The following RASGRP4 variants were observed in gnomAD, a reference collection of about 807,000 sequenced individuals.
RASGRP4 encodes RAS guanyl releasing protein 4.
RASGRP4 carries 52 observed loss-of-function variants against 84.4 expected under a neutral mutation model. The ratio of observed to expected loss-of-function variants is 0.62; its 90% CI spans 0.49 to 0.78. The LOEUF is 0.78. Ranked by LOEUF, RASGRP4 falls within the 30% of genes least tolerant of loss-of-function variation. RASGRP4 has a pLI of 0.00. For missense variants in RASGRP4, 760 were observed against 886.9 expected, an observed-to-expected ratio of 0.86 and a Z score of 1.82; for synonymous variants, 356 against 359.1, an observed-to-expected ratio of 0.99 and a Z score of 0.10.
chr19:38,419,609 T>A (rs982813999), intron 6 of RASGRP4, among the ~76,000 whole-genome samples: 6 of 152,150 alleles, frequency 3.9e-5, no homozygotes, highest in Non-Finnish European at 8.8e-5. Flanking sequence ...AATTTTTGTA[T>A]TTTTAGTAGA....
rs757747859 is a variant in RASGRP4, at chr19:38,413,089, C to A, written c.1417-40G>T. On this transcript the variant is annotated intron_variant, in intron 11 of 16. Coordinates refer to ENST00000615439, the MANE Select transcript of RASGRP4 (RefSeq NM_170604.3). This position sits in a 1 kb window ranked among gnomAD's most constrained non-coding sequence, Gnocchi z 4.7. ...GGGGAAGCAGATAAGGCCCAGTTGT[C>A]GAAATATGATCCCCATGGCCATAAG... 1 of 1,584,988 alleles carries A rather than the reference C, an allele frequency of 6.3e-7. No individual in the cohort carries two copies.
Position 38,415,127 on chromosome 19 carries a change from G to C in RASGRP4, c.955-4C>G, listed in dbSNP as rs1470115942. Reference sequence around the variant, plus strand: ...GCTCAGTGAGCTCCAGGAGGGCCTGGGGAGGAGGGACATGGGATTGGGGCG... The same window carrying C: ...GCTCAGTGAGCTCCAGGAGGGCCTGCGGAGGAGGGACATGGGATTGGGGCG... On this transcript the variant is annotated splice_polypyrimidine_tract_variant and splice_region_variant and intron_variant, in intron 8 of 16. Coordinates refer to ENST00000615439, the MANE Select transcript of RASGRP4 (RefSeq NM_170604.3). 3 of 1,585,036 alleles carry C rather than the reference G, an allele frequency of 1.9e-6. No individual in the cohort carries two copies. Among genetic ancestry groups the C allele is most frequent in the Non-Finnish European group, 2.6e-6 (3 of 1,163,884 alleles).
At chr19:38,424,193 C>T (rs1477644670) in intron 1 of RASGRP4, among the ~76,000 whole-genome samples, 2 of 151,978 alleles carry the variant, frequency 1.3e-5, no homozygotes, top group Non-Finnish European at 2.9e-5. Context: ...GATCTCAGCT[C>T]ACTGCAACCT....
rs920352059 is a variant in RASGRP4, at chr19:38,417,999, C to T, written c.837+392G>A. On this transcript the variant is annotated intron_variant, in intron 7 of 16. Transcript: ENST00000615439. This position sits in a 1 kb window ranked among gnomAD's most constrained non-coding sequence, Gnocchi z 5.1. ...ACAATGGGGCGGGGCGGGGAGAGCC[C>T]GGACGCAATGGGGAGCGATGCACAA... Among the ~76,000 whole-genome samples, 2 of 149,936 alleles carry T rather than the reference C, an allele frequency of 1.3e-5. No homozygotes were observed. Among genetic ancestry groups the T allele is most frequent in the East Asian group, 2.0e-4 (1 of 4,996 alleles).
Position 38,415,122 on chromosome 19 carries a change from G to T in RASGRP4, c.956C>A (p.Ala319Asp). The T allele has an allele frequency of 1.1e-5, 17 of 1,587,916 alleles. No homozygotes were observed. The highest frequency in any genetic ancestry group is 1.5e-5 in the Non-Finnish European group (17 of 1,165,528). ...HAHLSPDSTK[A>D]LLELTELLAS... ...AAGGAGCTCAGTGAGCTCCAGGAGG[G>T]CCTGGGGAGGAGGGACATGGGATTG... Residue 319 changes from alanine (A) to aspartate (D), a missense_variant and splice_region_variant, in exon 9 of 17, where the codon GCC becomes GAC. Physicochemically the swap from Ala to Asp is moderately radical, Grantham distance 126. Transcript: ENST00000615439.
Position 38,413,109 on chromosome 19 carries a change from C to T in RASGRP4, c.1417-60G>A. On this transcript the variant is annotated intron_variant, in intron 11 of 16. Coordinates refer to ENST00000615439, the MANE Select transcript of RASGRP4 (RefSeq NM_170604.3). The surrounding 1 kb of genome is among the most constrained non-coding windows in gnomAD (Gnocchi z 4.7). The stretch of plus-strand genomic sequence containing the variant: ...GTTGTCGAAATATGATCCCCATGGC[C>T]ATAAGTCCCCACCTCCAGGCTCAGG... 1.9e-6 allele frequency: 3 copies of T among 1,572,324 alleles called. No individual in the cohort carries two copies. The highest frequency in any genetic ancestry group is 2.6e-6 in the Non-Finnish European group (3 of 1,142,262).
rs1299325021 is a variant in RASGRP4 at position 38,411,188 on chromosome 19, C to A, written c.1779G>T (p.Arg593Ser). 6.2e-7 allele frequency: 1 copy of A among 1,613,940 alleles called. No homozygotes were observed. Among genetic ancestry groups the A allele is most frequent in the South Asian group, 1.1e-5 (1 of 91,084 alleles). ...GTCCTGCATCGCCCTTGGCCCCTGG[C>A]CTCTTCTTACATTCTACCTTCACCT... is the stretch of plus-strand genomic sequence containing the variant. ...RDQVKVECKK[R>S]PGAKGDAGPP... is the part of the protein sequence containing the mutation. Residue 593 changes from arginine (R) to serine (S), a missense_variant, in exon 15 of 17, where the codon AGG (arginine) becomes AGT (serine). Arg to Ser is a moderately radical substitution (Grantham distance 110). Transcript: ENST00000615439.
At chr19:38,419,724 A>T in intron 6 of RASGRP4, 136 bp downstream of exon 6, 1 of 898,232 alleles carries the variant, frequency 1.1e-6, no homozygotes, top group Non-Finnish European at 1.7e-6. Context: ...TCTAGCATAC[A>T]GGTTTGAGTT....
In RASGRP4 at chr19:38,419,881, G is replaced by A. The variant is rs1405299578; in HGVS notation, c.642C>T (p.Phe214=). ...TCACCGTGATAGCCTGGAAGGACCG[G>A]AACTCCAGGTAGGTGAGGTGCTGAG... is the stretch of plus-strand genomic sequence containing the variant. The part of the protein sequence containing the change: ...ELAQHLTYLE[F]RSFQAITPQD... Residue 214 remains phenylalanine (F), a synonymous_variant, in exon 6 of 17, where the codon TTC becomes TTT. Coordinates refer to ENST00000615439, the MANE Select transcript of RASGRP4 (RefSeq NM_170604.3). The A allele has an allele frequency of 6.2e-7, 1 of 1,603,862 alleles. No homozygotes were observed. Among genetic ancestry groups the A allele is most frequent in the South Asian group, 1.1e-5 (1 of 89,474 alleles).
rs1263913408 is a variant in RASGRP4, at chr19:38,418,204, G to C, written c.837+187C>G. ...GGTGGGGCCACGGTGGGTGCGACGCGGTGACATCAAGGCCAAAGAAGAAGT... is the reference window on the plus strand; with the variant it reads ...GGTGGGGCCACGGTGGGTGCGACGCCGTGACATCAAGGCCAAAGAAGAAGT... On this transcript the variant is annotated intron_variant, in intron 7 of 16. Coordinates refer to ENST00000615439, the MANE Select transcript of RASGRP4 (RefSeq NM_170604.3). The surrounding 1 kb of genome is among the most constrained non-coding windows in gnomAD (Gnocchi z 4.6). Among the ~76,000 whole-genome samples, 1 of 152,016 alleles carries C rather than the reference G, an allele frequency of 6.6e-6. No homozygotes were observed. The highest frequency in any genetic ancestry group is 2.4e-5 in the African/African-American group (1 of 41,370).
chr19:38,418,138 C>T lies in RASGRP4; in HGVS notation c.837+253G>A, dbSNP rs994574932. ...CTCATTGACCTGGGGATAGAATATT[C>T]GGGCATAGGGCTTGGGAGCCTGTCA... is the stretch of plus-strand genomic sequence containing the variant. On this transcript the variant is annotated intron_variant, in intron 7 of 16. Coordinates refer to ENST00000615439, the MANE Select transcript of RASGRP4 (RefSeq NM_170604.3). This position sits in a 1 kb window ranked among gnomAD's most constrained non-coding sequence, Gnocchi z 4.6. Among the ~76,000 whole-genome samples, 6 of 151,998 alleles carry T rather than the reference C, an allele frequency of 3.9e-5. No homozygotes were observed. Among genetic ancestry groups the T allele is most frequent in the Admixed American group, 3.3e-4 (5 of 15,268 alleles).
chr19:38,425,201 A>C (rs139897057), intron 1 of RASGRP4, among the ~76,000 whole-genome samples: 3,325 of 148,166 alleles, frequency 0.022, 106 homozygotes, highest in African/African-American at 0.079. Context: ...AAAAACAAAA[A>C]AAAAAAAACC....
At chr19:38,424,628 T>C (rs1183920466) in intron 1 of RASGRP4, among the ~76,000 whole-genome samples, 1 of 113,722 alleles carries the variant, frequency 8.8e-6, no homozygotes, top group Admixed American at 9.4e-5. Context: ...GGGGGGGGGG[T>C]CTCACTATAT....
At chr19:38,420,871 G>A (rs376375312) in intron 4 of RASGRP4, 37 bp downstream of exon 4, 19 of 1,593,144 alleles carry the variant, frequency 1.2e-5, no homozygotes, top group South Asian at 7.7e-5. Context: ...GATGGAAGTC[G>A]TGGGTCCTGA....
Position 38,417,314 on chromosome 19 carries a change from G to A in RASGRP4, c.838-146C>T, listed in dbSNP as rs958552111. ...CAGGTGAGAGAAGGCGGGTGTGTGC[G>A]GCAAGAGTGGGACATGCCATGTGTG... On this transcript the variant is annotated intron_variant, in intron 7 of 16. Transcript: ENST00000615439. This position sits in a 1 kb window ranked among gnomAD's most constrained non-coding sequence, Gnocchi z 5.1. 4.2e-5 allele frequency: 27 copies of A among 646,750 alleles called. No individual in the cohort carries two copies. Among genetic ancestry groups the A allele is most frequent in the Non-Finnish European group, 6.2e-5 (22 of 353,222 alleles). The allele number at this position is 646,750 out of a possible 1,614,324, so 40.1% of individuals were successfully genotyped here.
At position 38,415,051 on chromosome 19, in the gene RASGRP4, A is replaced by G; in HGVS notation, c.1027T>C (p.Cys343Arg). 6.2e-7 allele frequency: 1 copy of G among 1,606,600 alleles called. No individual in the cohort carries two copies. Reference protein sequence around the residue: ...YARYRRTWAGCAGFRLPVLGV... With the variant: ...YARYRRTWAGRAGFRLPVLGV... ...AGTACAGGCAGCCGGAAACCCGCGCAGCCAGCCCAGGTGCGGCGGTAGCGG... is the reference window on the plus strand; with the variant it reads ...AGTACAGGCAGCCGGAAACCCGCGCGGCCAGCCCAGGTGCGGCGGTAGCGG... The change falls in exon 9 of 17, where the codon TGC becomes CGC. Residue 343 changes from cysteine (C) to arginine (R), a missense_variant. Transcript: ENST00000615439.
At position 38,409,706 on chromosome 19, in the gene RASGRP4, C is replaced by T. The variant is rs186164680; in HGVS notation, c.*334G>A. ...TGAGCTGAGATTGCATCATTGCACT[C>T]CAGCCTGGGTGACAGAGCAAGACTC... On this transcript the variant is annotated 3_prime_UTR_variant, in exon 17 of 17. Transcript: ENST00000615439. 163 of 170,698 alleles carry T rather than the reference C, an allele frequency of 9.5e-4. 1 individual carries two copies. The East Asian group carries it at 0.024, about 25-fold the overall frequency. The allele number at this position is 170,698 out of a possible 1,614,324, so 10.6% of individuals were successfully genotyped here. A position where few individuals can be genotyped will look rare whatever the true frequency, so the allele number is the denominator to read the frequency against.
rs114025017 is a variant in RASGRP4, at chr19:38,421,127, C to T, written c.282G>A (p.Pro94=). Residue 94 remains proline, a synonymous_variant, in exon 3 of 17, where the codon CCG becomes CCA. Transcript: ENST00000615439. The stretch of plus-strand genomic sequence containing the variant: ...GCAGGCGGGCAGCCAGGTCGGCGGA[C>T]GGCAGCACCCAGCTGTGCATGGCCA... ...MVLAMHSWVL[P]SADLAARLLT... is the part of the protein sequence containing the mutation. 1,205 of 1,613,842 alleles carry T rather than the reference C, an allele frequency of 7.5e-4. 7 individuals carry two copies. In the African/African-American group the frequency reaches 0.015, roughly 20 times the overall value.
At chr19:38,411,710 G>A in intron 13 of RASGRP4, 1 of 216,008 alleles carries the variant, frequency 4.6e-6, no homozygotes, top group Admixed American at 5.8e-5. Context: ...AATAAATAAA[G>A]GAAACTTGGA....
Sources: gnomAD v4.1 joint callset for allele counts (sites outside exome capture counted in the v4.1 genomes callset) on GRCh38, gnomAD v4.1.1 for gene constraint, Gnocchi (gnomAD v3.1) non-coding constraint, MANE v1.5 for transcripts, NCBI Gene and HGNC (gene_info 2026-07-23, HGNC 2026-07-21) for gene names.